Variants in HMBOX1 observed in about 807,000 individuals in gnomAD.
The protein encoded by HMBOX1 is homeobox-containing protein 1.
Under a neutral mutation model 54.5 loss-of-function variants are expected in HMBOX1, and 14 were observed. The ratio of observed to expected loss-of-function variants is 0.26; its 90% CI spans 0.17 to 0.40. HMBOX1 has a LOEUF of 0.40. Ranked by LOEUF, HMBOX1 falls within the 10% of genes least tolerant of loss-of-function variation. The pLI is 1.00. For missense variants in HMBOX1, 332 were observed against 514.4 expected (o/e 0.65, Z 3.43); for synonymous variants, 160 against 181.0 (o/e 0.88, Z 0.93).
At chr8:29,040,433 CTTA>C (rs890697714) in intron 6 of HMBOX1, among the ~76,000 whole-genome samples, 1 of 152,088 alleles carries the variant, frequency 6.6e-6, no homozygotes, top group East Asian at 1.9e-4. Flanking sequence ...GTAAAAAAAT[CTTA>C]TTACTTTTTA....
chr8:28,961,844 A>G (rs548480572), intron 1 of HMBOX1, among the ~76,000 whole-genome samples: 1 of 145,428 alleles, frequency 6.9e-6, no homozygotes, highest in Non-Finnish European at 1.5e-5. Flanking sequence ...CACACTTGTT[A>G]TTTTATGTTT....
chr8:29,050,966 C>G, intron 9 of HMBOX1, 52 bp from the exon 10 acceptor site: 1 of 1,577,890 alleles, frequency 6.3e-7, no homozygotes, highest in South Asian at 1.1e-5. Context: ...CTCTCTGTGA[C>G]TAAAGAATTC....
chr8:28,918,265 G>A (rs942888697), intron 1 of HMBOX1, among the ~76,000 whole-genome samples: 2 of 152,058 alleles, frequency 1.3e-5, no homozygotes, highest in African/African-American at 2.4e-5. Flanking sequence ...GTGCAGTGGC[G>A]CGATCTCGGC....
chr8:29,037,252 G>A (rs2133253230), intron 6 of HMBOX1, among the ~76,000 whole-genome samples: 1 of 152,212 alleles, frequency 6.6e-6, no homozygotes, highest in East Asian at 1.9e-4. Context: ...AACATCTTTT[G>A]TTTGTTATAC....
chr8:29,040,917 G>A (rs1804715819), intron 6 of HMBOX1, among the ~76,000 whole-genome samples: 1 of 152,096 alleles, frequency 6.6e-6, no homozygotes, highest in Non-Finnish European at 1.5e-5. Flanking sequence ...ATGAATAATC[G>A]CGAATTCTAG....
intron 4 of HMBOX1, among the ~76,000 whole-genome samples, chr8:29,006,298 A>T (rs1833447385): frequency 6.6e-6 from 1 of 151,944 alleles, no homozygotes; most frequent in African/African-American, 2.4e-5. Flanking sequence ...TGGCCGATGC[A>T]TTCTATTATT....
chr8:29,021,556 A>G (rs1218346422), intron 6 of HMBOX1, among the ~76,000 whole-genome samples: 1 of 152,096 alleles, frequency 6.6e-6, no homozygotes, highest in East Asian at 1.9e-4. Context: ...CCTTGAACAT[A>G]TGAAAATATG....
chr8:29,010,664 A>G (rs1284893658), intron 5 of HMBOX1, among the ~76,000 whole-genome samples: 1 of 152,014 alleles, frequency 6.6e-6, no homozygotes, highest in East Asian at 1.9e-4. Context: ...CCTAAGAATA[A>G]AGATAATCTG....
intron 1 of HMBOX1, among the ~76,000 whole-genome samples, chr8:28,906,190 CA>C (rs1226699164): frequency 6.6e-6 from 1 of 152,162 alleles, no homozygotes; most frequent in African/African-American, 2.4e-5. Context: ...GCTGAATTAG[CA>C]TAGACTTGTT....
intron 2 of HMBOX1, among the ~76,000 whole-genome samples, chr8:28,965,480 T>C (rs1826278782): frequency 1.3e-5 from 2 of 152,250 alleles, no homozygotes; most frequent in South Asian, 4.1e-4. Context: ...AACCACATTA[T>C]GAATGTGTTC....
intron 4 of HMBOX1, among the ~76,000 whole-genome samples, chr8:29,002,668 T>G (rs1225381496): frequency 1.3e-5 from 2 of 152,242 alleles, no homozygotes; most frequent in African/African-American, 4.8e-5. Flanking sequence ...ATTTCTCTTA[T>G]GGAAACATTT....
At chr8:28,961,244 A>G (rs1354861825) in intron 1 of HMBOX1, among the ~76,000 whole-genome samples, 1 of 152,164 alleles carries the variant, frequency 6.6e-6, no homozygotes, top group Non-Finnish European at 1.5e-5. Context: ...AAAATCTACC[A>G]TTTTAACGTA....
chr8:29,016,123 T>C (rs998300513), intron 5 of HMBOX1, among the ~76,000 whole-genome samples: 4 of 152,150 alleles, frequency 2.6e-5, no homozygotes, highest in African/African-American at 9.7e-5. Flanking sequence ...TTCAAGCCCA[T>C]TGGCCATAAT....
At chr8:29,047,693 G>A (rs763525984) in intron 8 of HMBOX1, among the ~76,000 whole-genome samples, 5 of 150,992 alleles carry the variant, frequency 3.3e-5, no homozygotes, top group South Asian at 2.1e-4. Context: ...TCAGCCTCCC[G>A]AGTAGCTGGG....
chr8:28,925,929 GTTAAATGATGTTTA>G (rs2131842677), intron 1 of HMBOX1, among the ~76,000 whole-genome samples: 1 of 152,206 alleles, frequency 6.6e-6, no homozygotes, highest in South Asian at 2.1e-4. Flanking sequence ...TGTCTTGATG[GTTAAATGATGTTTA>G]TTTACTCAAA....
intron 1 of HMBOX1, among the ~76,000 whole-genome samples, chr8:28,918,255 G>A: frequency 6.6e-6 from 1 of 152,276 alleles, no homozygotes; most frequent in South Asian, 2.1e-4. Flanking sequence ...CCTGGCTGGA[G>A]TGCAGTGGCG....
At chr8:28,952,126 T>G (rs1823536635) in intron 1 of HMBOX1, among the ~76,000 whole-genome samples, 1 of 146,114 alleles carries the variant, frequency 6.8e-6, no homozygotes. Context: ...CAGTGAGCTC[T>G]GATGCCTGGG....
At chr8:28,921,509 G>T (rs1329495043) in intron 1 of HMBOX1, among the ~76,000 whole-genome samples, 1 of 152,092 alleles carries the variant, frequency 6.6e-6, no homozygotes, top group Non-Finnish European at 1.5e-5. Flanking sequence ...AGTAAAATAG[G>T]CAAGAATGAA....
intron 1 of HMBOX1, among the ~76,000 whole-genome samples, chr8:28,938,567 C>T (rs1820784016): frequency 6.6e-6 from 1 of 151,922 alleles, no homozygotes; most frequent in African/African-American, 2.4e-5. Context: ...CAGCTTCAGC[C>T]TTAAGAGTAG....
Sources: gnomAD v4.1 joint callset for allele counts (sites outside exome capture counted in the v4.1 genomes callset) on GRCh38, gnomAD v4.1.1 for gene constraint, MANE v1.5 for transcripts, NCBI Gene and HGNC (gene_info 2026-07-23, HGNC 2026-07-21) for gene names.